TMOD2: variants seen among roughly 807,000 people sequenced by gnomAD.
TMOD2 encodes the protein tropomodulin-2.
Under a neutral mutation model 39.9 loss-of-function variants are expected in TMOD2, and 22 were observed. The observed-to-expected ratio is 0.55, with a 90% confidence interval of 0.39 to 0.79. TMOD2 has a LOEUF of 0.79. Ranked by LOEUF, TMOD2 falls within the 30% of genes least tolerant of loss-of-function variation. The probability of loss-of-function intolerance (pLI) is 0.00; values close to 1 mark genes in which losing one functional copy is unlikely to be tolerated. For synonymous variants in TMOD2, 123 were observed against 146.1 expected (o/e 0.84, Z 1.14); for missense variants, 386 against 413.3 (o/e 0.93, Z 0.57).
chr15:51,806,577 C>T, intron 9 of TMOD2, 56 bp downstream of exon 9: 2 of 1,597,644 alleles, frequency 1.3e-6, no homozygotes, highest in South Asian at 1.1e-5. Context: ...GCATTCACTT[C>T]TCCACTTCAG....
intron 7 of TMOD2, among the ~76,000 whole-genome samples, chr15:51,788,345 C>T (rs1466713427): frequency 3.3e-5 from 5 of 152,164 alleles, no homozygotes; most frequent in African/African-American, 1.2e-4. Flanking sequence ...AAGAAACGAA[C>T]AAAGCCTCCA....
At chr15:51,806,045 A>G (rs1426174483) in intron 8 of TMOD2, among the ~76,000 whole-genome samples, 1 of 152,246 alleles carries the variant, frequency 6.6e-6, no homozygotes, top group Non-Finnish European at 1.5e-5. Context: ...TAAACCACAG[A>G]TACTGGGATG....
intron 4 of TMOD2, 149 bp from the exon 5 acceptor site, chr15:51,776,783 C>G (rs1715968785): frequency 1.7e-6 from 1 of 605,290 alleles, no homozygotes; most frequent in Non-Finnish European, 3.0e-6. Flanking sequence ...GTATTTAACG[C>G]TATACATGTA....
At position 51,758,352 on chromosome 15, in the gene TMOD2, A is replaced by G. The variant is rs192340673; in HGVS notation, c.-70+6640A>G. ...CTGGAGAGAGAACCATACATGCAACATACATGAAAAGATAGCAAGATATGT... is the reference window on the plus strand; with the variant it reads ...CTGGAGAGAGAACCATACATGCAACGTACATGAAAAGATAGCAAGATATGT... On this transcript the variant is annotated intron_variant, in intron 1 of 9. Coordinates refer to ENST00000249700, the MANE Select transcript of TMOD2 (RefSeq NM_014548.4). Among the ~76,000 whole-genome samples, 8 of 152,324 alleles carry G rather than the reference A, an allele frequency of 5.3e-5. No individual in the cohort carries two copies. In the East Asian group the frequency reaches 5.8e-4, roughly 11 times the overall value.
chr15:51,773,931 G>A (rs747269178), intron 4 of TMOD2, 97 bp downstream of exon 4: 5 of 1,366,754 alleles, frequency 3.7e-6, no homozygotes, highest in Non-Finnish European at 5.0e-6. Flanking sequence ...CTCTTAGGTA[G>A]GAGAATGACA....
intron 1 of TMOD2, among the ~76,000 whole-genome samples, chr15:51,759,069 G>A (rs1345655138): frequency 2.0e-5 from 3 of 152,212 alleles, no homozygotes; most frequent in South Asian, 4.1e-4. Context: ...TTTGTATGGC[G>A]AATGGATCAG....
chr15:51,773,632 A>G (rs779619976), intron 3 of TMOD2, 80 bp from the exon 4 acceptor site: 11 of 1,430,994 alleles, frequency 7.7e-6, no homozygotes, highest in Non-Finnish European at 9.4e-6. Context: ...AATGGCCAGA[A>G]CTGCATTCTC....
intron 7 of TMOD2, 25 bp from the exon 8 acceptor site, chr15:51,798,172 G>T: frequency 6.4e-7 from 1 of 1,562,814 alleles, no homozygotes; most frequent in South Asian, 1.2e-5. Context: ...TTAATTCTAA[G>T]TTTTTTTTCT....
chr15:51,762,123 T>G (rs1402108223), intron 1 of TMOD2, among the ~76,000 whole-genome samples: 1 of 146,898 alleles, frequency 6.8e-6, no homozygotes, highest in Non-Finnish European at 1.5e-5. Context: ...CACTCCAGCC[T>G]GGGTGTGAGT....
At chr15:51,801,564 C>T (rs1016308013) in intron 8 of TMOD2, among the ~76,000 whole-genome samples, 2 of 152,254 alleles carry the variant, frequency 1.3e-5, no homozygotes, top group Admixed American at 6.5e-5. Context: ...TGCACCAAAG[C>T]GAAGGCCTGC....
intron 5 of TMOD2, among the ~76,000 whole-genome samples, chr15:51,778,371 G>A (rs1031315994): frequency 7.4e-5 from 11 of 148,314 alleles, no homozygotes; most frequent in Non-Finnish European, 1.2e-4. Flanking sequence ...AGCATTAGGC[G>A]ATATACCTAA....
At position 51,814,859 on chromosome 15, in the gene TMOD2, A is replaced by T. The variant is rs1325239193; in HGVS notation, c.*6405A>T. 2.0e-5 allele frequency: 3 copies of T among 152,210 alleles called. No individual in the cohort carries two copies. Among genetic ancestry groups the T allele is most frequent in the African/African-American group, 7.2e-5 (3 of 41,446 alleles). The allele number at this position is 152,210 out of a possible 1,614,324, so 9.4% of individuals were successfully genotyped here. A position where few individuals can be genotyped will look rare whatever the true frequency, so the allele number is the denominator to read the frequency against. On this transcript the variant is annotated 3_prime_UTR_variant, in exon 10 of 10. Coordinates refer to ENST00000249700, the MANE Select transcript of TMOD2 (RefSeq NM_014548.4). ...TTTCTCTCCAGGAGGCTTTGTTCAG[A>T]GGAGGTCTGACTATTGCACAGCCAG...
intron 3 of TMOD2, among the ~76,000 whole-genome samples, chr15:51,769,042 G>A (rs1242902706): frequency 6.6e-6 from 1 of 152,216 alleles, no homozygotes; most frequent in Non-Finnish European, 1.5e-5. Context: ...ATCAGTTGTA[G>A]TATAAGTATC....
rs1364320662 is a variant in TMOD2 at position 51,806,255 on chromosome 15, A to G, written c.877-122A>G. 4 of 1,072,672 alleles carry G rather than the reference A, an allele frequency of 3.7e-6. No individual in the cohort carries two copies. The Admixed American group carries it at 1.0e-4, about 27-fold the overall frequency. 66.4% of individuals were successfully genotyped at this position (1,072,672 alleles called of 1,614,324 possible). A position where few individuals can be genotyped will look rare whatever the true frequency, so the allele number is the denominator to read the frequency against. On this transcript the variant is annotated intron_variant, in intron 8 of 9. Transcript: ENST00000249700. ...CTTCTCAAGTGACGCTGTCCCTTTC[A>G]GTTTGAGACCTTTGCCTCTTTGCCT...
chr15:51,777,765 G>A (rs1017232355), intron 5 of TMOD2, among the ~76,000 whole-genome samples: 5 of 152,094 alleles, frequency 3.3e-5, no homozygotes, highest in African/African-American at 4.8e-5. Context: ...CTGGCAAACC[G>A]AATCCAGCAG....
rs984570594 is a variant in TMOD2 at position 51,799,666 on chromosome 15, G to A, written c.876+1326G>A. Among the ~76,000 whole-genome samples the A allele has an allele frequency of 9.2e-5, 14 of 152,204 alleles. 1 individual carries two copies. Among genetic ancestry groups the A allele is most frequent in the Admixed American group, 7.9e-4 (12 of 15,284 alleles). On this transcript the variant is annotated intron_variant, in intron 8 of 9. Transcript: ENST00000249700. The stretch of plus-strand genomic sequence containing the variant: ...AGGGCCCCGCACACTCAGGAAGTTC[G>A]ATGCTGTGTATCCTAGCATATGTCC...
At chr15:51,774,175 A>G (rs1431101555) in intron 4 of TMOD2, among the ~76,000 whole-genome samples, 1 of 152,208 alleles carries the variant, frequency 6.6e-6, no homozygotes, top group Non-Finnish European at 1.5e-5. Context: ...TATCATCACA[A>G]CATTTCTATA....
intron 7 of TMOD2, chr15:51,783,790 GA>G (rs1175221554): frequency 4.7e-5 from 7 of 149,948 alleles, no homozygotes; most frequent in East Asian, 3.9e-4. Context: ...TAGATAGATA[GA>G]TAAAAGAAAA....
chr15:51,776,172 C>T (rs1263182818), intron 4 of TMOD2, among the ~76,000 whole-genome samples: 1 of 152,154 alleles, frequency 6.6e-6, no homozygotes, highest in African/African-American at 2.4e-5. Flanking sequence ...ATGTAGCTTA[C>T]AGTAGAGCTG....
Sources: allele counts gnomAD v4.1 joint callset (sites outside exome capture counted in the v4.1 genomes callset), GRCh38; gene constraint gnomAD v4.1.1; transcripts MANE v1.5; gene names NCBI Gene and HGNC (gene_info 2026-07-23, HGNC 2026-07-21).